Variants in PALLD observed in about 807,000 individuals in gnomAD.
PALLD encodes the protein palladin, cytoskeletal associated protein.
Under a neutral mutation model 123.5 loss-of-function variants are expected in PALLD, and 61 were observed. The observed-to-expected ratio is 0.49, with a 90% confidence interval of 0.40 to 0.61. The LOEUF is 0.61. PALLD is among the 20% of genes least tolerant of loss of function. The pLI, the probability that PALLD is intolerant of heterozygous loss-of-function variation, is 0.00. For synonymous variants in PALLD, 465 were observed against 496.4 expected, an observed-to-expected ratio of 0.94 and a Z score of 0.84; for missense variants, 1,273 against 1,377.0, an observed-to-expected ratio of 0.92 and a Z score of 1.20.
intron 2 of PALLD, among the ~76,000 whole-genome samples, chr4:168,513,677 T>G (rs1296541508): frequency 6.6e-6 from 1 of 152,238 alleles, no homozygotes; most frequent in Non-Finnish European, 1.5e-5. Context: ...TATTTCTCAT[T>G]TCTTAATTTT....
intron 10 of PALLD, among the ~76,000 whole-genome samples, chr4:168,734,222 A>C (rs559667396): frequency 9.2e-5 from 14 of 152,288 alleles, no homozygotes; most frequent in South Asian, 8.3e-4. Context: ...TTCCCAAAAA[A>C]ATTTACTATT....
intron 10 of PALLD, among the ~76,000 whole-genome samples, chr4:168,771,996 CA>C (rs1393817559): frequency 6.6e-6 from 1 of 152,112 alleles, no homozygotes; most frequent in Non-Finnish European, 1.5e-5. Flanking sequence ...TTTCTGATAG[CA>C]AAAACATCAG....
intron 8 of PALLD, among the ~76,000 whole-genome samples, chr4:168,693,332 T>G (rs1420064028): frequency 6.6e-6 from 1 of 152,220 alleles, no homozygotes; most frequent in Non-Finnish European, 1.5e-5. Flanking sequence ...TTCAGTTAGT[T>G]TGTTGCTTTG....
chr4:168,824,817 CTTTTTTTTT>C (rs148235431), intron 10 of PALLD, among the ~76,000 whole-genome samples: 7 of 97,892 alleles, frequency 7.2e-5, no homozygotes, highest in African/African-American at 2.8e-4. Flanking sequence ...CAGATAAATT[CTTTTTTTTT>C]TTTTTTTTTT....
chr4:168,700,018 G>T, intron 8 of PALLD: 1 of 270,030 alleles, frequency 3.7e-6, no homozygotes, highest in Non-Finnish European at 7.4e-6. Context: ...TTATTTTACA[G>T]ATGTCTTATA....
At chr4:168,686,101 A>C (rs5021492) in intron 6 of PALLD, among the ~76,000 whole-genome samples, 46,633 of 151,914 alleles carry the variant, frequency 0.31, 10,112 homozygotes, top group African/African-American at 0.61. Context: ...GAGACATATG[A>C]CATGCTTGCA....
chr4:168,819,738 C>G (rs2150786336), intron 10 of PALLD, among the ~76,000 whole-genome samples: 1 of 152,328 alleles, frequency 6.6e-6, no homozygotes, highest in Non-Finnish European at 1.5e-5. Flanking sequence ...ATTATTTACA[C>G]ACCCAGGTGT....
intron 2 of PALLD, among the ~76,000 whole-genome samples, chr4:168,606,745 A>G (rs1314155084): frequency 1.3e-5 from 2 of 151,746 alleles, no homozygotes; most frequent in Non-Finnish European, 2.9e-5. Flanking sequence ...AAAAGACAAG[A>G]GCTTGGTGGC....
At chr4:168,638,832 C>T (rs144872515) in intron 2 of PALLD, among the ~76,000 whole-genome samples, 432 of 143,610 alleles carry the variant, frequency 3.0e-3, no homozygotes, top group East Asian at 0.021. Context: ...GGAGGGGGGG[C>T]GGGCCATAAA....
At chr4:168,541,137 A>C (rs1263899683) in intron 2 of PALLD, among the ~76,000 whole-genome samples, 1 of 152,246 alleles carries the variant, frequency 6.6e-6, no homozygotes, top group Non-Finnish European at 1.5e-5. Context: ...ATTTACGCAG[A>C]TATGTTGACT....
intron 10 of PALLD, among the ~76,000 whole-genome samples, chr4:168,802,878 G>A (rs1739557241): frequency 6.6e-6 from 1 of 152,126 alleles, no homozygotes; most frequent in Non-Finnish European, 1.5e-5. Flanking sequence ...GAGTAGTAGA[G>A]ACGGGGTTTC....
chr4:168,535,347 G>C (rs1764997482), intron 2 of PALLD, among the ~76,000 whole-genome samples: 1 of 152,184 alleles, frequency 6.6e-6, no homozygotes, highest in Admixed American at 6.5e-5. Flanking sequence ...CCACTTAATA[G>C]ATGAGTAAAC....
intron 10 of PALLD, among the ~76,000 whole-genome samples, chr4:168,746,305 C>T (rs543881525): frequency 1.0e-4 from 14 of 139,706 alleles, no homozygotes; most frequent in South Asian, 4.8e-4. Context: ...GGCGTGAACC[C>T]GGGAGGCGGA....
At chr4:168,794,951 T>G (rs1245418723) in intron 10 of PALLD, among the ~76,000 whole-genome samples, 1 of 152,218 alleles carries the variant, frequency 6.6e-6, no homozygotes, top group Non-Finnish European at 1.5e-5. Context: ...TTCTGGAGGC[T>G]GGGAAGTCCC....
chr4:168,789,170 C>T (rs1737159931), intron 10 of PALLD, among the ~76,000 whole-genome samples: 1 of 152,178 alleles, frequency 6.6e-6, no homozygotes, highest in African/African-American at 2.4e-5. Flanking sequence ...TTGACACTCT[C>T]ATTCATGTCT....
At chr4:168,675,272 G>A (rs188810292) in intron 3 of PALLD, among the ~76,000 whole-genome samples, 8 of 152,328 alleles carry the variant, frequency 5.3e-5, no homozygotes, top group East Asian at 1.9e-4. Context: ...GCAGGGCAGC[G>A]TTAAAAAGGT....
chr4:168,913,136 CT>C (rs33986728), intron 15 of PALLD, among the ~76,000 whole-genome samples: 69,098 of 118,814 alleles, frequency 0.58, 19,717 homozygotes, highest in East Asian at 0.9. Flanking sequence ...ATGCCACTAA[CT>C]TTTTTTTTTT....
chr4:168,742,997 C>G (rs1788508670), intron 10 of PALLD, among the ~76,000 whole-genome samples: 1 of 152,162 alleles, frequency 6.6e-6, no homozygotes, highest in Non-Finnish European at 1.5e-5. Flanking sequence ...CCGACCACCT[C>G]CTACCATCTT....
chr4:168,531,922 TTC>T (rs1764644937), intron 2 of PALLD, among the ~76,000 whole-genome samples: 1 of 152,134 alleles, frequency 6.6e-6, no homozygotes. Context: ...AGATTTTTAC[TTC>T]TCTCATTTTA....
Sources: gnomAD v4.1 joint callset for allele counts (sites outside exome capture counted in the v4.1 genomes callset) on GRCh38, gnomAD v4.1.1 for gene constraint, MANE v1.5 for transcripts, NCBI Gene and HGNC (gene_info 2026-07-23, HGNC 2026-07-21) for gene names.